The following ATG13 variants were observed in gnomAD, a reference collection of about 807,000 sequenced individuals.
The protein encoded by ATG13 is autophagy related 13, also known as autophagy-related protein 13.
ATG13 carries 23 observed loss-of-function variants against 65.5 expected under a neutral mutation model. That is an observed-to-expected ratio of 0.35 (90% CI 0.25 to 0.50). The LOEUF is 0.50. Ranked by LOEUF, ATG13 falls within the 20% of genes least tolerant of loss-of-function variation. The pLI is 0.98. For missense variants in ATG13, 566 were observed against 677.0 expected, an observed-to-expected ratio of 0.84 and a Z score of 1.82; for synonymous variants, 252 against 245.2, an observed-to-expected ratio of 1.03 and a Z score of -0.26.
At chr11:46,628,263 G>A (rs1165634695) in intron 1 of ATG13, among the ~76,000 whole-genome samples, 1 of 151,954 alleles carries the variant, frequency 6.6e-6, no homozygotes, top group Non-Finnish European at 1.5e-5. Context: ...ATAAGCTGGT[G>A]TGGTGGCATG....
intron 2 of ATG13, among the ~76,000 whole-genome samples, chr11:46,631,956 T>C (rs1465214785): frequency 6.6e-6 from 1 of 152,216 alleles, no homozygotes; most frequent in Non-Finnish European, 1.5e-5. Context: ...AAGTGTTATT[T>C]GTTAGGAATT....
At chr11:46,654,095 C>T (rs1471352703) in intron 7 of ATG13, among the ~76,000 whole-genome samples, 4 of 149,646 alleles carry the variant, frequency 2.7e-5, no homozygotes, top group African/African-American at 9.8e-5. Context: ...TTCATTATTC[C>T]ACGGTGGAAA....
chr11:46,672,138 C>G, intron 18 of ATG13, 117 bp from the exon 19 acceptor site: 1 of 1,520,958 alleles, frequency 6.6e-7, no homozygotes, highest in Non-Finnish European at 9.0e-7. Flanking sequence ...CCCACTTGCT[C>G]GGCCCAGCTA....
chr11:46,672,251 A>G lies in ATG13; in HGVS notation c.1576-4A>G. On this transcript the variant is annotated splice_region_variant and splice_polypyrimidine_tract_variant and intron_variant, in intron 18 of 18. Transcript: ENST00000683050. ...AACGGCTCTTCCCTCTCTTTCCGGT[A>G]CAGGACTCATTACCAGAGAAGCTGG... The G allele has an allele frequency of 6.2e-7, 1 of 1,614,172 alleles. No homozygotes were observed. Among genetic ancestry groups the G allele is most frequent in the Non-Finnish European group, 8.5e-7 (1 of 1,180,000 alleles).
chr11:46,626,197 C>T (rs2049537624), intron 1 of ATG13, among the ~76,000 whole-genome samples: 1 of 151,958 alleles, frequency 6.6e-6, no homozygotes, highest in Non-Finnish European at 1.5e-5. Context: ...CCTTGTGATC[C>T]ACCCGCCTCG....
chr11:46,649,337 G>T (rs942555852), intron 6 of ATG13, among the ~76,000 whole-genome samples, 154 bp downstream of exon 6: 5 of 152,182 alleles, frequency 3.3e-5, no homozygotes, highest in African/African-American at 1.2e-4. Context: ...CTTCATCCTT[G>T]GCTTCCAGCC....
rs377691475 is a variant in ATG13, at chr11:46,649,192, T to C, written c.317+9T>C. The C allele has an allele frequency of 1.6e-5, 26 of 1,612,828 alleles. No individual in the cohort carries two copies. In the East Asian group the frequency reaches 2.7e-4, roughly 17 times the overall value. On this transcript the variant is annotated intron_variant, in intron 6 of 18. Coordinates refer to ENST00000683050, the MANE Select transcript of ATG13 (RefSeq NM_001346311.2). ...CTTGAAATGAATGAAAAGTAAGTGC[T>C]GCGTCTTAGGGTCCTTGGTTGTGGT...
chr11:46,623,858 T>C (rs1234513087), intron 1 of ATG13, among the ~76,000 whole-genome samples: 1 of 152,148 alleles, frequency 6.6e-6, no homozygotes. Context: ...TTTACCACAT[T>C]ACTTTCTTTC....
At chr11:46,651,608 A>G (rs557135955) in intron 7 of ATG13, among the ~76,000 whole-genome samples, 1 of 152,290 alleles carries the variant, frequency 6.6e-6, no homozygotes, top group South Asian at 2.1e-4. Context: ...ACATGTATAG[A>G]GCTGATTTTT....
intron 2 of ATG13, among the ~76,000 whole-genome samples, chr11:46,634,907 T>C (rs1448496601): frequency 6.6e-6 from 1 of 151,802 alleles, no homozygotes; most frequent in Admixed American, 6.6e-5. Context: ...TTCACCATAT[T>C]GGCCAGGCTT....
intron 2 of ATG13, among the ~76,000 whole-genome samples, chr11:46,636,675 T>A (rs901074894): frequency 6.6e-6 from 1 of 152,146 alleles, no homozygotes; most frequent in Admixed American, 6.6e-5. Context: ...CAGATTGTTC[T>A]TGAACTTTGG....
chr11:46,636,704 G>T (rs1234987125), intron 2 of ATG13, among the ~76,000 whole-genome samples: 5 of 151,840 alleles, frequency 3.3e-5, no homozygotes, highest in Non-Finnish European at 7.4e-5. Flanking sequence ...CGATCCTCCT[G>T]CCTCAACCTC....
Position 46,664,865 on chromosome 11 carries a change from T to G in ATG13, c.905T>G (p.Leu302Arg), listed in dbSNP as rs773369938. 1.9e-6 allele frequency: 3 copies of G among 1,613,840 alleles called. No homozygotes were observed. The Admixed American group carries it at 5.0e-5, about 27-fold the overall frequency. The change falls in exon 13 of 19, where the codon CTT (leucine) becomes CGT (arginine). Residue 302 changes from leucine (L) to arginine (R), a missense_variant. This residue lies in a region of ATG13 where 387 missense variants were observed against 409.8 expected (regional missense o/e 0.94). Transcript: ENST00000683050. Reference sequence around the variant, plus strand: ...CTTGCTTAGCTCTCAAGCTCTCGCCTTTCCTATCAGCCTGCTGCCCTGGGC... The same window carrying G: ...CTTGCTTAGCTCTCAAGCTCTCGCCGTTCCTATCAGCCTGCTGCCCTGGGC... ...AFSHQLSSSR[L>R]SYQPAALGVG...
At chr11:46,622,490 C>A (rs1312885395) in intron 1 of ATG13, among the ~76,000 whole-genome samples, 4 of 152,078 alleles carry the variant, frequency 2.6e-5, no homozygotes, top group Non-Finnish European at 5.9e-5. Context: ...GAAACTGATT[C>A]ACTCCCTTAC....
At chr11:46,647,290 T>C (rs2057853482) in intron 5 of ATG13, among the ~76,000 whole-genome samples, 2 of 144,616 alleles carry the variant, frequency 1.4e-5, no homozygotes, top group Admixed American at 1.4e-4. Flanking sequence ...GTTTTTTTTT[T>C]TTGTTTTTTT....
chr11:46,626,539 T>C (rs946297556), intron 1 of ATG13, among the ~76,000 whole-genome samples: 14 of 152,150 alleles, frequency 9.2e-5, no homozygotes, highest in Non-Finnish European at 1.6e-4. Context: ...CGTGAGCCAC[T>C]GCGCCCGGCC....
intron 13 of ATG13, among the ~76,000 whole-genome samples, 173 bp from the exon 14 acceptor site, chr11:46,665,210 A>G (rs1386700986): frequency 6.6e-6 from 1 of 152,174 alleles, no homozygotes; most frequent in Non-Finnish European, 1.5e-5. Context: ...ATTACCGTGC[A>G]TTTCTTCCAT....
chr11:46,637,507 G>T lies in ATG13; in HGVS notation c.-13-6772G>T, dbSNP rs373504282. Among the ~76,000 whole-genome samples the T allele has an allele frequency of 1.4e-3, 207 of 152,180 alleles. 4 individuals are homozygous for T. In the South Asian group the frequency reaches 0.041, roughly 30 times the overall value. On this transcript the variant is annotated intron_variant, in intron 2 of 18. Coordinates refer to ENST00000683050, the MANE Select transcript of ATG13 (RefSeq NM_001346311.2). ...CTTGCCCAAGCCTCCCGAGCAGCTG[G>T]GATTACAGGTGTACACCACCACTCC...
intron 1 of ATG13, among the ~76,000 whole-genome samples, chr11:46,622,062 GATTT>G (rs1386131963): frequency 8.1e-6 from 1 of 123,420 alleles, no homozygotes; most frequent in Middle Eastern, 5.0e-3. Context: ...CCACTTCAGA[GATTT>G]ATTTATTTAC....
Sources: allele counts gnomAD v4.1 joint callset (sites outside exome capture counted in the v4.1 genomes callset), GRCh38; gene constraint gnomAD v4.1.1; regional missense constraint gnomAD v4.1.1; transcripts MANE v1.5; gene names NCBI Gene and HGNC (gene_info 2026-07-23, HGNC 2026-07-21).